The following MCC variants were observed in gnomAD, a reference collection of about 807,000 sequenced individuals.
MCC encodes the protein MCC regulator of Wnt signaling pathway.
MCC carries 90 observed loss-of-function variants against 116.2 expected under a neutral mutation model. The ratio of observed to expected loss-of-function variants is 0.77; its 90% CI spans 0.65 to 0.92. MCC has a LOEUF of 0.92. Ranked by LOEUF, MCC falls within the 40% of genes least tolerant of loss-of-function variation. MCC has a pLI of 0.00. For missense variants in MCC, 1,516 were observed against 1,312.2 expected, an observed-to-expected ratio of 1.16 and a Z score of -2.40; for synonymous variants, 578 against 510.5, an observed-to-expected ratio of 1.13 and a Z score of -1.78.
chr5:113,069,595 G>T (rs137881207), intron 12 of MCC, among the ~76,000 whole-genome samples: 1,712 of 152,310 alleles, frequency 0.011, 19 homozygotes, highest in Non-Finnish European at 0.017. Context: ...TTGAGACGGA[G>T]TCTCGCTCTG....
At chr5:113,339,059 T>TA (rs34201685) in intron 3 of MCC, among the ~76,000 whole-genome samples, 147 of 147,828 alleles carry the variant, frequency 9.9e-4, no homozygotes, top group Middle Eastern at 3.5e-3. Context: ...CTGTCTCTAC[T>TA]AAAAAAAAAA....
chr5:113,475,975 T>C (rs887628024), intron 1 of MCC, among the ~76,000 whole-genome samples: 10 of 152,206 alleles, frequency 6.6e-5, no homozygotes, highest in Non-Finnish European at 1.3e-4. Flanking sequence ...TTGTAAACTA[T>C]AAAGGTTTGT....
intron 3 of MCC, among the ~76,000 whole-genome samples, chr5:113,172,126 T>C (rs746511908): frequency 6.6e-6 from 1 of 152,150 alleles, no homozygotes; most frequent in Non-Finnish European, 1.5e-5. Context: ...CACATACCAA[T>C]GGACAGTTCA....
At chr5:113,059,356 G>A (rs769661060) in intron 14 of MCC, among the ~76,000 whole-genome samples, 27 of 152,286 alleles carry the variant, frequency 1.8e-4, no homozygotes, top group Admixed American at 1.5e-3. Context: ...GTTTCACTGC[G>A]GAATATGATT....
At chr5:113,412,901 G>A (rs1168465639) in intron 1 of MCC, among the ~76,000 whole-genome samples, 2 of 152,208 alleles carry the variant, frequency 1.3e-5, no homozygotes, top group Admixed American at 6.5e-5. Flanking sequence ...GATATTGGCT[G>A]TGGGTTTGTC....
intron 3 of MCC, among the ~76,000 whole-genome samples, chr5:113,153,276 CCCT>C (rs1759986839): frequency 6.6e-6 from 1 of 152,152 alleles, no homozygotes; most frequent in South Asian, 2.1e-4. Context: ...ATTATATCTC[CCCT>C]CCTACTTCTG....
chr5:113,282,914 C>T (rs1287003770), intron 3 of MCC, among the ~76,000 whole-genome samples: 1 of 152,234 alleles, frequency 6.6e-6, no homozygotes, highest in Non-Finnish European at 1.5e-5. Flanking sequence ...TCTCCTAAAA[C>T]TCCTCTTTGA....
At chr5:113,105,878 G>C (rs1444084747) in intron 6 of MCC, among the ~76,000 whole-genome samples, 1 of 152,150 alleles carries the variant, frequency 6.6e-6, no homozygotes, top group Non-Finnish European at 1.5e-5. Flanking sequence ...CCTTACCAGA[G>C]CCTGTAAAAC....
rs146438728 is a variant in MCC, at chr5:113,454,051, G to A, written c.170+34194C>T. ...CTTGAACCCAGGAGGCGGAGTTTGC[G>A]GTGGACGGAATATCGCGCTATTGCA... On this transcript the variant is annotated intron_variant, in intron 1 of 18. Transcript: ENST00000408903. Among the ~76,000 whole-genome samples, 225 of 152,178 alleles carry A rather than the reference G, an allele frequency of 1.5e-3. 1 individual carries two copies. The highest frequency in any genetic ancestry group is 4.5e-3 in the African/African-American group (187 of 41,518).
At chr5:113,236,972 T>C (rs1213782175) in intron 3 of MCC, among the ~76,000 whole-genome samples, 1 of 152,226 alleles carries the variant, frequency 6.6e-6, no homozygotes, top group African/African-American at 2.4e-5. Context: ...AGACTCTGAA[T>C]GTCAGTTGTT....
At chr5:113,347,112 G>A in intron 2 of MCC, among the ~76,000 whole-genome samples, 1 of 152,090 alleles carries the variant, frequency 6.6e-6, no homozygotes, top group East Asian at 1.9e-4. Flanking sequence ...TGAAAGAAAA[G>A]GATATTAATG....
rs35274366 is a variant in MCC, at chr5:113,315,704, CAAAA to C, written c.627+24811_627+24814del. Among the ~76,000 whole-genome samples, 538 of 64,486 alleles carry C rather than the reference CAAAA, an allele frequency of 8.3e-3. 4 individuals are homozygous for C. The highest frequency in any genetic ancestry group is 0.027 in the African/African-American group (512 of 18,950). 42.3% of individuals were successfully genotyped at this position (64,486 alleles called of 152,430 possible). A position where few individuals can be genotyped will look rare whatever the true frequency, so the allele number is the denominator to read the frequency against. ...GCAAGATGGCAAAACCCCATCTCTA[CAAAA>C]AAAAAAAAAAAAAAAAAAAATAGCA... On this transcript the variant is annotated intron_variant, in intron 3 of 18. Coordinates refer to ENST00000408903, the MANE Select transcript of MCC (RefSeq NM_001085377.2).
chr5:113,470,790 C>T (rs1459667470), intron 1 of MCC, among the ~76,000 whole-genome samples: 2 of 151,538 alleles, frequency 1.3e-5, no homozygotes, highest in African/African-American at 4.9e-5. Flanking sequence ...AACTTGGTTC[C>T]ATTCTCCCTG....
chr5:113,248,191 C>A (rs1225168497), intron 3 of MCC, among the ~76,000 whole-genome samples: 1 of 149,952 alleles, frequency 6.7e-6, no homozygotes, highest in Non-Finnish European at 1.5e-5. Context: ...AATTGTGCCA[C>A]TGCACTCCAG....
rs34111159 is a variant in MCC at position 113,456,623 on chromosome 5, ATTTTTTTT to A, written c.170+31614_170+31621del. ...AGTCACCCGCCACCATGCCCAGCTA[ATTTTTTTT>A]TTTTTTTTTTTTTTTTTTTTTAGTA... On this transcript the variant is annotated intron_variant, in intron 1 of 18. Coordinates refer to ENST00000408903, the MANE Select transcript of MCC (RefSeq NM_001085377.2). Among the ~76,000 whole-genome samples the A allele has an allele frequency of 9.2e-4, 47 of 51,074 alleles. 1 individual carries two copies. The highest frequency in any genetic ancestry group is 3.3e-3 in the African/African-American group (44 of 13,238). The allele number at this position is 51,074 out of a possible 152,430, so 33.5% of individuals were successfully genotyped here. A position where few individuals can be genotyped will look rare whatever the true frequency, so the allele number is the denominator to read the frequency against.
At chr5:113,271,579 C>T (rs1765620129) in intron 3 of MCC, among the ~76,000 whole-genome samples, 1 of 152,146 alleles carries the variant, frequency 6.6e-6, no homozygotes, top group African/African-American at 2.4e-5. Flanking sequence ...AATTCCTGGG[C>T]AAACAGAAAT....
chr5:113,123,637 T>A (rs1385708730), intron 5 of MCC, among the ~76,000 whole-genome samples: 2 of 152,194 alleles, frequency 1.3e-5, no homozygotes, highest in Non-Finnish European at 2.9e-5. Context: ...AATTGCAGTG[T>A]GTATTTCAGA....
chr5:113,266,101 T>C (rs1765406807), intron 3 of MCC, among the ~76,000 whole-genome samples: 1 of 152,170 alleles, frequency 6.6e-6, no homozygotes, highest in South Asian at 2.1e-4. Context: ...TCCTAGGTCT[T>C]ATGCCAAATG....
At chr5:113,330,282 C>G (rs1267973436) in intron 3 of MCC, among the ~76,000 whole-genome samples, 1 of 152,208 alleles carries the variant, frequency 6.6e-6, no homozygotes, top group African/African-American at 2.4e-5. Context: ...CTGAATCATT[C>G]TTTGCTCAGT....
Sources: gnomAD v4.1 joint callset for allele counts (sites outside exome capture counted in the v4.1 genomes callset) on GRCh38, gnomAD v4.1.1 for gene constraint, MANE v1.5 for transcripts, NCBI Gene and HGNC (gene_info 2026-07-23, HGNC 2026-07-21) for gene names.